Variants in CSMD1 observed in about 807,000 individuals in gnomAD.
The protein encoded by CSMD1 is CUB and Sushi multiple domains 1.
Under a neutral mutation model 417.5 loss-of-function variants are expected in CSMD1, and 213 were observed. The ratio of observed to expected loss-of-function variants is 0.51; its 90% confidence interval spans 0.46 to 0.57. CSMD1 has a LOEUF of 0.57. Ranked by LOEUF, CSMD1 falls within the 20% of genes least tolerant of loss-of-function variation. CSMD1 has a pLI of 0.00. For missense variants in CSMD1, 6,923 were observed against 4,529.7 expected, an observed-to-expected ratio of 1.53 and a Z score of -15.17; for synonymous variants, 2,862 against 1,736.8, an observed-to-expected ratio of 1.65 and a Z score of -16.11.
intron 1 of CSMD1, among the ~76,000 whole-genome samples, chr8:4,691,081 T>A (rs914787144): frequency 6.6e-6 from 1 of 152,146 alleles, no homozygotes; most frequent in Non-Finnish European, 1.5e-5. Context: ...GGTACCTGGG[T>A]ATTTTTAAAT....
intron 53 of CSMD1, among the ~76,000 whole-genome samples, chr8:2,998,669 T>A (rs868755491): frequency 6.6e-6 from 1 of 152,200 alleles, no homozygotes; most frequent in Admixed American, 6.5e-5. Context: ...ATCATGAAAT[T>A]AGCAAAATAA....
intron 3 of CSMD1, among the ~76,000 whole-genome samples, chr8:4,257,280 T>C (rs1477974164): frequency 3.9e-5 from 6 of 152,196 alleles, no homozygotes; most frequent in Non-Finnish European, 8.8e-5. Flanking sequence ...CTGTACCCTT[T>C]CTGTTATGGC....
chr8:4,860,653 GC>G (rs1802076789), intron 1 of CSMD1, among the ~76,000 whole-genome samples: 1 of 152,020 alleles, frequency 6.6e-6, no homozygotes, highest in African/African-American at 2.4e-5. Context: ...TGCTAATACA[GC>G]CTAACACACC....
intron 1 of CSMD1, among the ~76,000 whole-genome samples, chr8:4,890,216 G>A (rs952395048): frequency 1.3e-5 from 2 of 152,088 alleles, no homozygotes; most frequent in African/African-American, 4.8e-5. Flanking sequence ...CTTGATCTTG[G>A]CTCAGGCTGG....
chr8:4,062,407 T>C (rs1268109723), intron 3 of CSMD1, among the ~76,000 whole-genome samples: 4 of 152,100 alleles, frequency 2.6e-5, no homozygotes, highest in African/African-American at 4.8e-5. Flanking sequence ...GACCAATCGG[T>C]TGTACATACG....
chr8:3,105,972 G>A (rs1312668482), intron 46 of CSMD1, among the ~76,000 whole-genome samples: 5 of 152,190 alleles, frequency 3.3e-5, no homozygotes, highest in African/African-American at 7.2e-5. Flanking sequence ...AAATTGCTGT[G>A]AGAAACATGA....
At chr8:4,830,191 T>A (rs1800069830) in intron 1 of CSMD1, among the ~76,000 whole-genome samples, 1 of 152,182 alleles carries the variant, frequency 6.6e-6, no homozygotes, top group Non-Finnish European at 1.5e-5. Flanking sequence ...GCAATGGGAT[T>A]GTGAAACAGA....
At chr8:3,446,789 C>A (rs1563398309) in intron 12 of CSMD1, among the ~76,000 whole-genome samples, 1 of 152,178 alleles carries the variant, frequency 6.6e-6, no homozygotes, top group Non-Finnish European at 1.5e-5. Flanking sequence ...TGAAATGGAA[C>A]CTGTTGGAAA....
At chr8:3,954,589 C>T (rs1811811397) in intron 5 of CSMD1, among the ~76,000 whole-genome samples, 1 of 152,314 alleles carries the variant, frequency 6.6e-6, no homozygotes, top group African/African-American at 2.4e-5. Flanking sequence ...GGCTGGAACG[C>T]CTGACCTCGT....
At chr8:3,908,450 G>C (rs981140473) in intron 5 of CSMD1, among the ~76,000 whole-genome samples, 1 of 151,858 alleles carries the variant, frequency 6.6e-6, no homozygotes, top group Admixed American at 6.6e-5. Context: ...GCAGATTTTC[G>C]GTGCACACAC....
chr8:4,245,854 T>C (rs995596421), intron 3 of CSMD1, among the ~76,000 whole-genome samples: 1 of 152,174 alleles, frequency 6.6e-6, no homozygotes, highest in Non-Finnish European at 1.5e-5. Context: ...AATCACATAA[T>C]CTTTGAACAT....
At chr8:4,242,028 A>G (rs532151346) in intron 3 of CSMD1, among the ~76,000 whole-genome samples, 6 of 152,276 alleles carry the variant, frequency 3.9e-5, no homozygotes, top group African/African-American at 1.4e-4. Flanking sequence ...CCTTGTTTTA[A>G]TACCTTTTGA....
At chr8:4,182,968 G>A (rs1798461590) in intron 3 of CSMD1, among the ~76,000 whole-genome samples, 1 of 152,054 alleles carries the variant, frequency 6.6e-6, no homozygotes, top group Admixed American at 6.6e-5. Context: ...AAAGAAAGAG[G>A]CAAGGAAAGG....
intron 1 of CSMD1, among the ~76,000 whole-genome samples, chr8:4,911,220 T>G (rs1805649051): frequency 6.6e-6 from 1 of 152,240 alleles, no homozygotes; most frequent in African/African-American, 2.4e-5. Flanking sequence ...TTTCCTCAAA[T>G]TCTGTCTGCT....
At chr8:3,593,140 GA>G (rs2117036315) in intron 8 of CSMD1, among the ~76,000 whole-genome samples, 2 of 152,354 alleles carry the variant, frequency 1.3e-5, no homozygotes, top group East Asian at 3.9e-4. Context: ...GAGCTGTGGT[GA>G]TAAGTGTGAT....
In CSMD1 at chr8:3,878,645, A is replaced by G. The variant is rs533116290; in HGVS notation, c.818+119258T>C. Among the ~76,000 whole-genome samples the G allele has an allele frequency of 1.1e-3, 162 of 152,332 alleles. 1 individual carries two copies. Among genetic ancestry groups the G allele is most frequent in the African/African-American group, 1.1e-3 (46 of 41,584 alleles). On this transcript the variant is annotated intron_variant, in intron 5 of 69. Coordinates refer to ENST00000635120, the MANE Select transcript of CSMD1 (RefSeq NM_033225.6). ...CTGTTTATTGACAGAAAAATCTCCA[A>G]AAGACCCAAATAAGTAGTTTCATAT...
intron 7 of CSMD1, among the ~76,000 whole-genome samples, chr8:3,684,817 T>C (rs539784308): frequency 8.5e-5 from 13 of 152,270 alleles, no homozygotes; most frequent in Middle Eastern, 3.4e-3. Context: ...CTATAGATCA[T>C]ATTCCAAACT....
intron 3 of CSMD1, among the ~76,000 whole-genome samples, chr8:4,090,962 A>T (rs1563111219): frequency 6.7e-6 from 1 of 150,032 alleles, no homozygotes; most frequent in East Asian, 2.0e-4. Flanking sequence ...TCTGTCACCC[A>T]GGCTGGAGTG....
At chr8:3,303,188 T>A (rs1007891075) in intron 25 of CSMD1, among the ~76,000 whole-genome samples, 1 of 152,218 alleles carries the variant, frequency 6.6e-6, no homozygotes, top group Non-Finnish European at 1.5e-5. Context: ...TTCTGTCCTG[T>A]CAGGAAAATT....
Sources: allele counts gnomAD v4.1 joint callset (sites outside exome capture counted in the v4.1 genomes callset), GRCh38; gene constraint gnomAD v4.1.1; transcripts MANE v1.5; gene names NCBI Gene and HGNC (gene_info 2026-07-23, HGNC 2026-07-21).